The following ADAM12 variants were observed in gnomAD, a reference collection of about 807,000 sequenced individuals.
ADAM12 encodes disintegrin and metalloproteinase domain-containing protein 12.
Under a neutral mutation model 106.4 loss-of-function variants are expected in ADAM12, and 70 were observed. The ratio of observed to expected loss-of-function variants is 0.66; its 90% CI spans 0.54 to 0.80. ADAM12 has a LOEUF of 0.80. ADAM12 is among the 30% of genes least tolerant of loss of function. The pLI, the probability that ADAM12 is intolerant of heterozygous loss-of-function variation, is 0.00. For missense variants in ADAM12, 1,010 were observed against 1,171.9 expected (o/e 0.86, Z 2.02); for synonymous variants, 420 against 433.5 (o/e 0.97, Z 0.39).
chr10:126,250,524 T>C (rs1334228864), intron 3 of ADAM12, among the ~76,000 whole-genome samples: 1 of 152,212 alleles, frequency 6.6e-6, no homozygotes, highest in Non-Finnish European at 1.5e-5. Flanking sequence ...TAATTTTTAA[T>C]CCATCAAGAC....
In ADAM12 at chr10:126,016,649, A is replaced by G. The variant is rs1248936695; in HGVS notation, c.*630T>C. On this transcript the variant is annotated 3_prime_UTR_variant, in exon 23 of 23. Transcript: ENST00000448723. ...TATCCTGGTGTGGCTACACCTTAAG[A>G]TTCCTGTCTGCAACCCAGGTTCTCA... 1 of 152,170 alleles carries G rather than the reference A, an allele frequency of 6.6e-6. No homozygotes were observed. Among genetic ancestry groups the G allele is most frequent in the Non-Finnish European group, 1.5e-5 (1 of 68,122 alleles). 9.4% of individuals were successfully genotyped at this position (152,170 alleles called of 1,614,324 possible).
chr10:126,281,996 G>GC (rs573244541), intron 2 of ADAM12, among the ~76,000 whole-genome samples: 1 of 152,200 alleles, frequency 6.6e-6, no homozygotes, highest in South Asian at 2.1e-4. Flanking sequence ...AATCTTAGAA[G>GC]CCCCCGTATT....
chr10:126,149,342 C>A lies in ADAM12; in HGVS notation c.339+5885G>T, dbSNP rs1010622655. On this transcript the variant is annotated intron_variant, in intron 4 of 22. Transcript: ENST00000448723. Reference sequence around the variant, plus strand: ...CAATCCAAGTCCCAAACAGACCTGGCAGTTGTTGAACCCCTGTTTCTCTAG... The same window carrying A: ...CAATCCAAGTCCCAAACAGACCTGGAAGTTGTTGAACCCCTGTTTCTCTAG... Among the ~76,000 whole-genome samples, 52 of 152,210 alleles carry A rather than the reference C, an allele frequency of 3.4e-4. 1 individual carries two copies. The highest frequency in any genetic ancestry group is 1.2e-3 in the African/African-American group (51 of 41,456).
chr10:126,351,003 C>T (rs1187024602), intron 1 of ADAM12, among the ~76,000 whole-genome samples: 1 of 152,176 alleles, frequency 6.6e-6, no homozygotes, highest in Non-Finnish European at 1.5e-5. Flanking sequence ...GGGCCATGTT[C>T]CCCCACCACA....
intron 2 of ADAM12, among the ~76,000 whole-genome samples, chr10:126,293,652 G>A (rs1186945373): frequency 6.6e-6 from 1 of 152,196 alleles, no homozygotes; most frequent in South Asian, 2.1e-4. Flanking sequence ...CTGAGTAGCT[G>A]AGATTGCAGG....
At chr10:126,339,147 C>T (rs999413521) in intron 1 of ADAM12, among the ~76,000 whole-genome samples, 6 of 152,160 alleles carry the variant, frequency 3.9e-5, no homozygotes, top group South Asian at 2.1e-4. Flanking sequence ...CCCTTTCTAC[C>T]CTTACTGTTC....
chr10:126,126,161 T>G (rs1437536107), intron 5 of ADAM12, among the ~76,000 whole-genome samples: 1 of 152,134 alleles, frequency 6.6e-6, no homozygotes, highest in Non-Finnish European at 1.5e-5. Context: ...GATGTCCCAG[T>G]TGGGACCTGG....
At chr10:126,070,568 C>T (rs907399370) in intron 12 of ADAM12, 1 of 152,210 alleles carries the variant, frequency 6.6e-6, no homozygotes, top group East Asian at 1.9e-4. Context: ...CCTAAACTCC[C>T]TCTTTCAGAG....
intron 3 of ADAM12, among the ~76,000 whole-genome samples, chr10:126,156,426 C>T (rs545962687): frequency 6.6e-5 from 10 of 152,168 alleles, no homozygotes; most frequent in South Asian, 2.1e-4. Flanking sequence ...TTACATAGGG[C>T]GCACACGAAG....
At chr10:126,372,388 A>G (rs1021404620) in intron 1 of ADAM12, among the ~76,000 whole-genome samples, 5 of 152,224 alleles carry the variant, frequency 3.3e-5, no homozygotes, top group African/African-American at 1.2e-4. Context: ...GGTAGGCTGC[A>G]TCCTTGCTCA....
chr10:126,253,479 A>G (rs1055565094), intron 3 of ADAM12, among the ~76,000 whole-genome samples: 1 of 152,218 alleles, frequency 6.6e-6, no homozygotes, highest in South Asian at 2.1e-4. Context: ...AGCTCAGCCC[A>G]CATAGAAATA....
At chr10:126,279,430 CAA>C (rs55921948) in intron 2 of ADAM12, among the ~76,000 whole-genome samples, 50 of 125,582 alleles carry the variant, frequency 4.0e-4, no homozygotes, top group Non-Finnish European at 6.5e-4. Flanking sequence ...GACTCTGTCT[CAA>C]AAAAAAAAGA....
Position 126,066,797 on chromosome 10 carries a change from T to G in ADAM12, c.1333A>C (p.Asn445His). 6.2e-7 allele frequency: 1 copy of G among 1,614,092 alleles called. No individual in the cohort carries two copies. The highest frequency in any genetic ancestry group is 8.5e-7 in the Non-Finnish European group (1 of 1,179,902). Residue 445 changes from asparagine to histidine, a missense_variant, in exon 13 of 23, where the codon AAT becomes CAT. This residue lies in a region of ADAM12 where 615 missense variants were observed against 708.5 expected (regional missense o/e 0.87). Transcript: ENST00000448723. This position sits in a 1 kb window ranked among gnomAD's most constrained non-coding sequence, Gnocchi z 5.1. ...CDCGEPEECMNRCCNATTCTL... is the reference protein window; with the variant it reads ...CDCGEPEECMHRCCNATTCTL... Reference sequence around the variant, plus strand: ...CAGGTGGTGGCATTGCAGCAGCGATTCATACATTCCTGGAAAGGGGAATGG... The same window carrying G: ...CAGGTGGTGGCATTGCAGCAGCGATGCATACATTCCTGGAAAGGGGAATGG...
At chr10:126,164,825 T>C (rs879661465) in intron 3 of ADAM12, among the ~76,000 whole-genome samples, 3 of 152,324 alleles carry the variant, frequency 2.0e-5, no homozygotes, top group Middle Eastern at 3.4e-3. Flanking sequence ...TTCTGGACTA[T>C]TTTATGAAAA....
intron 3 of ADAM12, 39 bp from the exon 4 acceptor site, chr10:126,155,344 G>A (rs753274978): frequency 1.3e-6 from 2 of 1,541,230 alleles, no homozygotes; most frequent in East Asian, 2.3e-5. Context: ...GATGAGTGCA[G>A]AATTGCATTG....
At chr10:126,251,685 G>A (rs1290884722) in intron 3 of ADAM12, among the ~76,000 whole-genome samples, 48 of 151,792 alleles carry the variant, frequency 3.2e-4, no homozygotes, top group African/African-American at 1.1e-3. Flanking sequence ...GGGATGGAGA[G>A]GATGGATGGG....
At chr10:126,226,202 C>A (rs949670180) in intron 3 of ADAM12, among the ~76,000 whole-genome samples, 5 of 18,164 alleles carry the variant, frequency 2.8e-4, no homozygotes, top group Non-Finnish European at 3.5e-4. Context: ...GGGGAGGGGG[C>A]GGGGGGAGTG....
At chr10:126,208,214 AT>A (rs1408250194) in intron 3 of ADAM12, among the ~76,000 whole-genome samples, 2 of 152,184 alleles carry the variant, frequency 1.3e-5, no homozygotes, top group Admixed American at 6.5e-5. Flanking sequence ...GCGTAGGGTG[AT>A]TTTGTGCCCC....
At chr10:126,065,056 T>G (rs1954839548) in intron 13 of ADAM12, 55 bp from the exon 14 acceptor site, 1 of 1,531,022 alleles carries the variant, frequency 6.5e-7, no homozygotes, top group Non-Finnish European at 8.8e-7. Context: ...GAGAGGCAGC[T>G]CTCAGCATTA....
Sources: allele counts gnomAD v4.1 joint callset (sites outside exome capture counted in the v4.1 genomes callset), GRCh38; gene constraint gnomAD v4.1.1; regional missense constraint gnomAD v4.1.1; non-coding constraint Gnocchi (gnomAD v3.1); transcripts MANE v1.5; gene names NCBI Gene and HGNC (gene_info 2026-07-23, HGNC 2026-07-21).